Variants in NCOA1 observed in about 807,000 individuals in gnomAD.
The protein encoded by NCOA1 is nuclear receptor coactivator 1.
In NCOA1, 35 loss-of-function variants were observed where a neutral mutation model predicts 150.9. That is an observed-to-expected ratio of 0.23 (90% CI 0.18 to 0.31). NCOA1 has a LOEUF of 0.31. Ranked by LOEUF, NCOA1 falls within the 10% of genes least tolerant of loss-of-function variation. The pLI is 1.00. For missense variants in NCOA1, 1,491 were observed against 1,749.3 expected, an observed-to-expected ratio of 0.85 and a Z score of 2.63; for synonymous variants, 590 against 630.0, an observed-to-expected ratio of 0.94 and a Z score of 0.95.
intron 1 of NCOA1, among the ~76,000 whole-genome samples, chr2:24,500,263 C>T (rs934406059): frequency 5.9e-5 from 9 of 152,166 alleles, no homozygotes; most frequent in African/African-American, 2.2e-4. Flanking sequence ...CATGTGCCAC[C>T]ATGCCTGGCT....
chr2:24,722,920 G>C (rs138521868), intron 14 of NCOA1, among the ~76,000 whole-genome samples: 1 of 148,144 alleles, frequency 6.8e-6, no homozygotes, highest in Non-Finnish European at 1.5e-5. Context: ...AACCCAAGGA[G>C]GTGGAGGTTG....
At chr2:24,634,708 A>ACCCCCCCCCCCCCCCC (rs530645429) in intron 3 of NCOA1, among the ~76,000 whole-genome samples, 6 of 39,716 alleles carry the variant, frequency 1.5e-4, no homozygotes, top group Non-Finnish European at 2.6e-4. Context: ...TAGGGGAGGA[A>ACCCCCCCCCCCCCCCC]CCCCCCCCCC....
At chr2:24,699,524 C>T (rs1206466777) in intron 11 of NCOA1, among the ~76,000 whole-genome samples, 2 of 152,008 alleles carry the variant, frequency 1.3e-5, no homozygotes. Flanking sequence ...ACCTCTTCCC[C>T]ATTAGTCATT....
chr2:24,527,539 A>G (rs1664701245), intron 1 of NCOA1, among the ~76,000 whole-genome samples: 1 of 152,172 alleles, frequency 6.6e-6, no homozygotes, highest in Non-Finnish European at 1.5e-5. Context: ...TATGTACACC[A>G]CAGTTTTTTA....
chr2:24,494,208 T>G (rs925848094), intron 1 of NCOA1, among the ~76,000 whole-genome samples: 2 of 152,190 alleles, frequency 1.3e-5, no homozygotes, highest in Non-Finnish European at 2.9e-5. Flanking sequence ...TTGGGCATTT[T>G]CTTGAAATTC....
At position 24,768,283 on chromosome 2, in the gene NCOA1, C is replaced by T. The variant is rs766858550; in HGVS notation, c.4218C>T (p.Asp1406=). ...VQCTVNLVGG[D]PYLNQPGPLG... Reference sequence around the variant, plus strand: ...GTACAGTGAATCTGGTAGGCGGGGACCCTTACCTGAACCAGCCTGGTCCAC... The same window carrying T: ...GTACAGTGAATCTGGTAGGCGGGGATCCTTACCTGAACCAGCCTGGTCCAC... Residue 1406 remains aspartate (D), a synonymous_variant, in exon 23 of 23, where the codon GAC becomes GAT. Coordinates refer to ENST00000348332, the MANE Select transcript of NCOA1 (RefSeq NM_003743.5). 3.7e-6 allele frequency: 6 copies of T among 1,613,646 alleles called. No homozygotes were observed. Among genetic ancestry groups the T allele is most frequent in the African/African-American group, 1.3e-5 (1 of 74,814 alleles).
At position 24,510,157 on chromosome 2, in the gene NCOA1, C is replaced by G. The variant is rs375545198; in HGVS notation, c.-396+18555C>G. Among the ~76,000 whole-genome samples, 27 of 152,344 alleles carry G rather than the reference C, an allele frequency of 1.8e-4. No homozygotes were observed. The East Asian group carries it at 3.1e-3, about 17-fold the overall frequency. On this transcript the variant is annotated intron_variant, in intron 1 of 22. Coordinates refer to ENST00000348332, the MANE Select transcript of NCOA1 (RefSeq NM_003743.5). ...CTACGCCACCCGGGTTCAAGTGATT[C>G]TCCTGCCTCAGCCTCCCCAGTAGCT...
intron 19 of NCOA1, among the ~76,000 whole-genome samples, chr2:24,747,626 G>A (rs1391141796): frequency 6.6e-6 from 1 of 151,890 alleles, no homozygotes; most frequent in African/African-American, 2.4e-5. Flanking sequence ...ACCACACCAA[G>A]GCTATATTTC....
chr2:24,553,492 A>G (rs1182681843), intron 1 of NCOA1, among the ~76,000 whole-genome samples: 1 of 152,228 alleles, frequency 6.6e-6, no homozygotes, highest in Non-Finnish European at 1.5e-5. Context: ...TGCAGGGATT[A>G]CAGGCGTGAG....
intron 11 of NCOA1, among the ~76,000 whole-genome samples, chr2:24,701,389 C>T (rs56375705): frequency 2.4e-3 from 367 of 151,794 alleles, no homozygotes; most frequent in African/African-American, 8.5e-3. Flanking sequence ...CAGGTATGGT[C>T]CCAGCTAGTC....
At chr2:24,536,756 C>T (rs1205484260) in intron 1 of NCOA1, among the ~76,000 whole-genome samples, 1 of 152,164 alleles carries the variant, frequency 6.6e-6, no homozygotes, top group African/African-American at 2.4e-5. Flanking sequence ...ACTCCAGACC[C>T]TGTTTGTGTG....
At chr2:24,634,835 C>A (rs914094200) in intron 3 of NCOA1, among the ~76,000 whole-genome samples, 2 of 151,890 alleles carry the variant, frequency 1.3e-5, no homozygotes, top group Non-Finnish European at 2.9e-5. Context: ...TTTCAGCCCC[C>A]CAACTGAGTA....
At chr2:24,747,327 C>CTTTTTTTTTTTTTTTTTTTTTTT (rs148901218) in intron 19 of NCOA1, among the ~76,000 whole-genome samples, 22 of 120,144 alleles carry the variant, frequency 1.8e-4, no homozygotes, top group Non-Finnish European at 2.3e-4. Context: ...TTATTTTTCT[C>CTTTTTTTTTTTTTTTTTTTTTTT]TTTTTTTTTT....
chr2:24,526,787 T>A (rs953196924), intron 1 of NCOA1, among the ~76,000 whole-genome samples: 1 of 152,118 alleles, frequency 6.6e-6, no homozygotes, highest in Non-Finnish European at 1.5e-5. Context: ...ATACATGTAA[T>A]GTTGGCCCTC....
At chr2:24,692,732 T>G (rs1672721791) in intron 9 of NCOA1, among the ~76,000 whole-genome samples, 1 of 152,362 alleles carries the variant, frequency 6.6e-6, no homozygotes, top group East Asian at 1.9e-4. Flanking sequence ...TAGGAAGGAA[T>G]GGTTTATGCC....
intron 11 of NCOA1, among the ~76,000 whole-genome samples, chr2:24,702,687 T>C (rs141412278): frequency 2.5e-3 from 378 of 152,320 alleles, no homozygotes; most frequent in African/African-American, 8.6e-3. Flanking sequence ...TTCAATATTA[T>C]CTTTCCTCAC....
At chr2:24,581,266 C>G (rs764539027) in intron 2 of NCOA1, among the ~76,000 whole-genome samples, 4 of 152,208 alleles carry the variant, frequency 2.6e-5, no homozygotes, top group Admixed American at 6.5e-5. Flanking sequence ...GGTCCAAGCT[C>G]TCCATGTGGT....
At chr2:24,672,482 A>C (rs1671732533) in intron 6 of NCOA1, among the ~76,000 whole-genome samples, 1 of 152,116 alleles carries the variant, frequency 6.6e-6, no homozygotes, top group South Asian at 2.1e-4. Context: ...GCTGCCTCAA[A>C]TTCTTGGGCT....
intron 1 of NCOA1, among the ~76,000 whole-genome samples, chr2:24,537,602 T>A (rs984699197): frequency 6.6e-6 from 1 of 151,962 alleles, no homozygotes; most frequent in South Asian, 2.1e-4. Context: ...AATGGGGATA[T>A]GTAGGTCAAA....
Sources: gnomAD v4.1 joint callset for allele counts (sites outside exome capture counted in the v4.1 genomes callset) on GRCh38, gnomAD v4.1.1 for gene constraint, MANE v1.5 for transcripts, NCBI Gene and HGNC (gene_info 2026-07-23, HGNC 2026-07-21) for gene names.